The following PDE1C variants were observed in gnomAD, a reference collection of about 807,000 sequenced individuals.
PDE1C encodes the protein phosphodiesterase 1C, also known as dual specificity calcium/calmodulin-dependent 3',5'-cyclic nucleotide phosphodiesterase 1C.
PDE1C carries 62 observed loss-of-function variants against 93.1 expected under a neutral mutation model. The observed-to-expected ratio is 0.67, with a 90% confidence interval of 0.54 to 0.82. PDE1C has a LOEUF of 0.82. PDE1C is among the 40% of genes least tolerant of loss of function. PDE1C has a pLI of 0.00. For synonymous variants in PDE1C, 325 were observed against 310.1 expected (o/e 1.05, Z -0.50); for missense variants, 742 against 884.6 (o/e 0.84, Z 2.04).
chr7:31,640,392 C>G, the PDE1C span, among the ~76,000 whole-genome samples: 2 of 152,210 alleles, frequency 1.3e-5, no homozygotes, highest in Non-Finnish European at 2.9e-5. Context: ...CTAGAGTTCT[C>G]TCTGTGTGCA....
At chr7:31,744,409 T>C in the PDE1C span, among the ~76,000 whole-genome samples, 1 of 152,150 alleles carries the variant, frequency 6.6e-6, no homozygotes. Context: ...AATCTAAGAC[T>C]ACATTCATCC....
chr7:31,901,102 T>C (rs1799919622), intron 2 of PDE1C, among the ~76,000 whole-genome samples: 1 of 138,694 alleles, frequency 7.2e-6, no homozygotes, highest in Non-Finnish European at 1.6e-5. Context: ...AGGACTGGAA[T>C]AAGGCAAGGA....
the PDE1C span, chr7:31,652,388 C>A: frequency 7.4e-7 from 1 of 1,358,826 alleles, no homozygotes. Flanking sequence ...CTATCAGAAT[C>A]TGCTGCTGGC....
At chr7:31,863,297 G>C (rs909562775) in intron 7 of PDE1C, among the ~76,000 whole-genome samples, 5 of 152,074 alleles carry the variant, frequency 3.3e-5, no homozygotes, top group African/African-American at 9.7e-5. Flanking sequence ...CTTTTGTCTA[G>C]ACCTATCGAG....
chr7:32,180,546 A>G (rs1436686495), intron 2 of PDE1C, among the ~76,000 whole-genome samples: 1 of 152,186 alleles, frequency 6.6e-6, no homozygotes, highest in Admixed American at 6.5e-5. Context: ...CTCAGAGGAC[A>G]CAGCAACCAG....
chr7:31,652,944 C>A, the PDE1C span: 1 of 1,492,686 alleles, frequency 6.7e-7, no homozygotes, highest in Non-Finnish European at 8.9e-7. Flanking sequence ...TCAGCTATAT[C>A]TCTCATATTC....
chr7:32,119,344 G>A (rs1430016007), intron 3 of PDE1C, among the ~76,000 whole-genome samples: 2 of 152,168 alleles, frequency 1.3e-5, no homozygotes, highest in East Asian at 3.9e-4. Context: ...CTCACTTCAG[G>A]CTCCTGTTGG....
At chr7:32,141,842 A>G (rs1800552404) in intron 3 of PDE1C, among the ~76,000 whole-genome samples, 1 of 152,214 alleles carries the variant, frequency 6.6e-6, no homozygotes, top group South Asian at 2.1e-4. Context: ...TAAGATGTTA[A>G]CGTTAGGAGA....
chr7:32,312,911 A>C (rs2128905070), intron 1 of PDE1C, among the ~76,000 whole-genome samples: 1 of 152,324 alleles, frequency 6.6e-6, no homozygotes, highest in South Asian at 2.1e-4. Context: ...AATGGGATCT[A>C]ATTAAACTAA....
intron 1 of PDE1C, among the ~76,000 whole-genome samples, chr7:32,064,202 C>A (rs567922371): frequency 6.6e-6 from 1 of 152,166 alleles, no homozygotes; most frequent in South Asian, 2.1e-4. Flanking sequence ...TCAGACCCAC[C>A]ACTCCAGGCC....
At chr7:31,801,718 G>GA (rs901286654) in intron 16 of PDE1C, among the ~76,000 whole-genome samples, 1 of 151,452 alleles carries the variant, frequency 6.6e-6, no homozygotes, top group Non-Finnish European at 1.5e-5. Context: ...TTATCATTAT[G>GA]AAATGAACTT....
chr7:32,081,599 C>T (rs998474284), intron 3 of PDE1C, among the ~76,000 whole-genome samples: 1 of 152,218 alleles, frequency 6.6e-6, no homozygotes, highest in Non-Finnish European at 1.5e-5. Flanking sequence ...TCAGCAATTC[C>T]TAAGGATGCT....
intron 17 of PDE1C, among the ~76,000 whole-genome samples, chr7:31,757,064 A>G (rs1794514404): frequency 6.6e-6 from 1 of 152,242 alleles, no homozygotes; most frequent in South Asian, 2.1e-4. Context: ...AACAACTTAA[A>G]TGAACAATCA....
chr7:32,364,074 T>A (rs867461111), intron 1 of PDE1C, among the ~76,000 whole-genome samples: 53 of 152,168 alleles, frequency 3.5e-4, no homozygotes, highest in African/African-American at 1.3e-3. Flanking sequence ...CTCTCAAATC[T>A]ACACTCACTG....
chr7:32,356,649 C>A (rs1056871126), intron 1 of PDE1C, among the ~76,000 whole-genome samples: 3 of 152,218 alleles, frequency 2.0e-5, no homozygotes, highest in Non-Finnish European at 4.4e-5. Context: ...TGAAGGGAAA[C>A]ATCAGCCTCC....
rs540590367 is a variant in PDE1C at position 32,326,522 on chromosome 7, A to C, written c.310+101300T>G. Among the ~76,000 whole-genome samples, 3 of 152,334 alleles carry C rather than the reference A, an allele frequency of 2.0e-5. No individual in the cohort carries two copies. The East Asian group carries it at 5.8e-4, about 29-fold the overall frequency. On this transcript the variant is annotated intron_variant, in intron 1 of 1. Coordinates refer to the PDE1C transcript ENST00000672256. Reference sequence around the variant, plus strand: ...TTACAGTGCCTCGGAAACCAGGTGAAGAAGGAAAGAGTGGTCAGCTAAGTT... The same window carrying C: ...TTACAGTGCCTCGGAAACCAGGTGACGAAGGAAAGAGTGGTCAGCTAAGTT...
chr7:32,192,838 G>T (rs1170185899), intron 2 of PDE1C, among the ~76,000 whole-genome samples: 15 of 152,038 alleles, frequency 9.9e-5, no homozygotes, highest in African/African-American at 3.4e-4. Flanking sequence ...CACTTATTTA[G>T]ATGTTATTTG....
At chr7:32,359,191 CTT>C (rs1456961783) in intron 1 of PDE1C, among the ~76,000 whole-genome samples, 2 of 152,128 alleles carry the variant, frequency 1.3e-5, no homozygotes, top group African/African-American at 4.8e-5. Flanking sequence ...TTCCTAGTAA[CTT>C]TTCATCCTCC....
At chr7:31,897,209 T>C (rs1303726953) in intron 2 of PDE1C, among the ~76,000 whole-genome samples, 1 of 152,222 alleles carries the variant, frequency 6.6e-6, no homozygotes, top group Non-Finnish European at 1.5e-5. Context: ...CACAGGGCTC[T>C]ACTTCCCTGC....
Sources: allele counts gnomAD v4.1 joint callset (sites outside exome capture counted in the v4.1 genomes callset), GRCh38; gene constraint gnomAD v4.1.1; transcripts MANE v1.5; gene names NCBI Gene and HGNC (gene_info 2026-07-23, HGNC 2026-07-21).